The following TENM2 variants were observed in gnomAD, a reference collection of about 807,000 sequenced individuals.
TENM2 encodes teneurin-2.
Under a neutral mutation model 245.2 loss-of-function variants are expected in TENM2, and 52 were observed. The ratio of observed to expected loss-of-function variants is 0.21; its 90% CI spans 0.17 to 0.27. TENM2 has a LOEUF of 0.27. Ranked by LOEUF, TENM2 falls within the 10% of genes least tolerant of loss-of-function variation. The pLI, the probability that TENM2 is intolerant of heterozygous loss-of-function variation, is 1.00. For missense variants in TENM2, 3,046 were observed against 3,666.8 expected (o/e 0.83, Z 4.37); for synonymous variants, 1,363 against 1,438.9 (o/e 0.95, Z 1.19).
chr5:167,040,382 T>A, the TENM2 span, among the ~76,000 whole-genome samples: 1 of 152,070 alleles, frequency 6.6e-6, no homozygotes, highest in African/African-American at 2.4e-5. Flanking sequence ...GACGATAAAG[T>A]CCCCAGGTGA....
chr5:167,807,631 A>ATT lies in TENM2; in HGVS notation c.503-68355_503-68354insTT, dbSNP rs1561803907. Among the ~76,000 whole-genome samples the ATT allele has an allele frequency of 8.8e-3, 956 of 108,868 alleles. 10 individuals are homozygous for ATT. Among genetic ancestry groups the ATT allele is most frequent in the African/African-American group, 0.033 (905 of 27,646 alleles). 71.4% of individuals were successfully genotyped at this position (108,868 alleles called of 152,430 possible). ...TAATAAATGCATTTTTTTTAAAAAA[A>ATT]AAAAAAAAGAGACAGAACCTCTTAA... On this transcript the variant is annotated intron_variant, in intron 2 of 28. Transcript: ENST00000518659.
At chr5:167,713,129 T>C (rs1230733408) in intron 2 of TENM2, among the ~76,000 whole-genome samples, 3 of 152,076 alleles carry the variant, frequency 2.0e-5, no homozygotes, top group Admixed American at 6.5e-5. Context: ...AAGGATACAA[T>C]AGTGTTTGTA....
chr5:167,281,296 TA>T (rs1771054610), upstream of TENM2, among the ~76,000 whole-genome samples: 1 of 151,464 alleles, frequency 6.6e-6, no homozygotes, highest in Admixed American at 6.6e-5. Flanking sequence ...TTTGCATTTT[TA>T]GTAGAGACGG....
intron 5 of TENM2, among the ~76,000 whole-genome samples, chr5:168,002,198 T>C (rs1272152811): frequency 1.3e-5 from 2 of 152,212 alleles, no homozygotes; most frequent in Non-Finnish European, 1.5e-5. Flanking sequence ...TGACTTTCTT[T>C]GCAGTTGTTA....
At chr5:168,187,074 A>G (rs1324450593) in intron 13 of TENM2, 1 of 152,222 alleles carries the variant, frequency 6.6e-6, no homozygotes, top group South Asian at 2.1e-4. Context: ...TAGAACCCCA[A>G]ATGCACAATC....
At chr5:167,813,110 G>A (rs1346923283) in intron 2 of TENM2, among the ~76,000 whole-genome samples, 4 of 152,128 alleles carry the variant, frequency 2.6e-5, no homozygotes, top group Non-Finnish European at 5.9e-5. Flanking sequence ...GAAAGTACCC[G>A]ACTTTCCTGG....
the TENM2 span, among the ~76,000 whole-genome samples, chr5:167,120,950 A>G: frequency 6.6e-6 from 1 of 152,122 alleles, no homozygotes; most frequent in Non-Finnish European, 1.5e-5. Context: ...ATTTCTTACC[A>G]TGAAGAATCC....
chr5:168,231,166 C>T (rs1181065889), intron 25 of TENM2: 1 of 152,410 alleles, frequency 6.6e-6, no homozygotes, highest in Non-Finnish European at 1.5e-5. Context: ...CAGGGAACCT[C>T]AACTGAACCA....
intron 3 of TENM2, among the ~76,000 whole-genome samples, chr5:167,921,542 C>A (rs951133781): frequency 8.5e-5 from 13 of 152,102 alleles, no homozygotes; most frequent in Non-Finnish European, 5.9e-5. Context: ...CATTGTCAGT[C>A]CCCGCGAGCT....
chr5:167,899,996 T>C (rs760979236), intron 3 of TENM2, among the ~76,000 whole-genome samples: 2 of 151,806 alleles, frequency 1.3e-5, no homozygotes, highest in Non-Finnish European at 2.9e-5. Flanking sequence ...AGTTAGTTAG[T>C]GTGGCAGCTC....
intron 2 of TENM2, among the ~76,000 whole-genome samples, chr5:167,770,228 G>A (rs541169571): frequency 2.6e-5 from 4 of 152,196 alleles, no homozygotes; most frequent in South Asian, 4.1e-4. Flanking sequence ...TGATGTAGTC[G>A]TGGGAATCAA....
At chr5:167,604,365 T>A (rs1474884451) in intron 2 of TENM2, among the ~76,000 whole-genome samples, 1 of 152,210 alleles carries the variant, frequency 6.6e-6, no homozygotes, top group Non-Finnish European at 1.5e-5. Flanking sequence ...TACCATTTCA[T>A]TGATGAAACG....
At chr5:167,161,389 T>G in the TENM2 span, among the ~76,000 whole-genome samples, 1 of 152,178 alleles carries the variant, frequency 6.6e-6, no homozygotes, top group Non-Finnish European at 1.5e-5. Context: ...TTTTAAAAGT[T>G]TTATGCTTTC....
intron 2 of TENM2, chr5:167,729,247 C>G (rs1410499754): frequency 6.6e-6 from 1 of 152,204 alleles, no homozygotes; most frequent in Non-Finnish European, 1.5e-5. Flanking sequence ...TGCCTACTTT[C>G]AAGCCCTTAA....
At chr5:167,121,881 C>A in the TENM2 span, among the ~76,000 whole-genome samples, 1 of 152,168 alleles carries the variant, frequency 6.6e-6, no homozygotes, top group East Asian at 1.9e-4. Context: ...CTGACAAGTA[C>A]TTTGAATTGA....
At chr5:167,575,899 T>C (rs943774140) in intron 2 of TENM2, among the ~76,000 whole-genome samples, 1 of 152,134 alleles carries the variant, frequency 6.6e-6, no homozygotes, top group East Asian at 1.9e-4. Flanking sequence ...TTCTACATCG[T>C]TTTTTCCTGC....
At chr5:167,528,870 G>C (rs557509660) in intron 2 of TENM2, among the ~76,000 whole-genome samples, 14 of 152,176 alleles carry the variant, frequency 9.2e-5, no homozygotes, top group African/African-American at 2.6e-4. Context: ...CCTGTTGGTG[G>C]TCCTTTGTCA....
intron 1 of TENM2, among the ~76,000 whole-genome samples, chr5:167,371,447 C>T (rs929479892): frequency 7.3e-5 from 11 of 151,426 alleles, no homozygotes; most frequent in Non-Finnish European, 1.5e-4. Flanking sequence ...CCACAACCTC[C>T]GCCTTCCGGG....
intron 3 of TENM2, among the ~76,000 whole-genome samples, chr5:167,945,684 C>T (rs1177595706): frequency 2.0e-5 from 3 of 152,016 alleles, no homozygotes; most frequent in Admixed American, 6.6e-5. Flanking sequence ...TGCGTCATTG[C>T]GAATGCATTC....
Sources: gnomAD v4.1 joint callset for allele counts (sites outside exome capture counted in the v4.1 genomes callset) on GRCh38, gnomAD v4.1.1 for gene constraint, MANE v1.5 for transcripts, NCBI Gene and HGNC (gene_info 2026-07-23, HGNC 2026-07-21) for gene names.